Variants in NAALADL2 observed in about 807,000 individuals in gnomAD.
NAALADL2 encodes the protein N-acetylated alpha-linked acidic dipeptidase like 2.
Under a neutral mutation model 87.2 loss-of-function variants are expected in NAALADL2, and 76 were observed. That is an observed-to-expected ratio of 0.87 (90% confidence interval 0.72 to 1.05). The LOEUF (loss-of-function observed/expected upper bound fraction) is 1.05, where lower values mean the gene tolerates loss of function less well. Ranked by LOEUF, NAALADL2 falls within the 50% of genes least tolerant of loss-of-function variation. The pLI, the probability that NAALADL2 is intolerant of heterozygous loss-of-function variation, is 0.00. For synonymous variants in NAALADL2, 354 were observed against 331.0 expected (o/e 1.07, Z -0.75); for missense variants, 1,089 against 945.8 (o/e 1.15, Z -1.99).
chr3:175,578,511 G>A (rs1466847830), intron 10 of NAALADL2, among the ~76,000 whole-genome samples: 2 of 152,118 alleles, frequency 1.3e-5, no homozygotes, highest in Non-Finnish European at 2.9e-5. Context: ...TACTTGCCAT[G>A]CTAAGCATTT....
intron 2 of NAALADL2, among the ~76,000 whole-genome samples, chr3:174,663,300 A>G (rs768561123): frequency 3.9e-5 from 6 of 152,044 alleles, no homozygotes; most frequent in African/African-American, 7.3e-5. Flanking sequence ...TAAAGATAAT[A>G]TGTACCCAGC....
Position 175,737,362 on chromosome 3 carries a change from A to G in NAALADL2, c.1953A>G (p.Ala651=), listed in dbSNP as rs777828351. The G allele has an allele frequency of 3.7e-6, 6 of 1,610,204 alleles. No individual in the cohort carries two copies. The African/African-American group carries it at 6.7e-5, about 18-fold the overall frequency. ...IANEPVLPFN[A]LDIALEVQNN... ...ACGAACCTGTTCTGCCCTTTAATGC[A>G]CTTGATATAGCTTTAGAAGTTCAAA... The change falls in exon 12 of 14, where the codon GCA becomes GCG. Residue 651 remains alanine, a synonymous_variant. Coordinates refer to ENST00000454872, the MANE Select transcript of NAALADL2 (RefSeq NM_207015.3).
intron 3 of NAALADL2, among the ~76,000 whole-genome samples, chr3:174,759,696 C>T (rs1397786989): frequency 2.0e-5 from 3 of 150,538 alleles, no homozygotes; most frequent in Non-Finnish European, 4.4e-5. Flanking sequence ...AAATACAATA[C>T]AAATCACTTT....
chr3:175,647,896 A>G (rs1164924975), intron 11 of NAALADL2, among the ~76,000 whole-genome samples: 2 of 152,176 alleles, frequency 1.3e-5, no homozygotes, highest in South Asian at 2.1e-4. Context: ...TTTATTGTCT[A>G]TGGGTTTCCC....
At chr3:175,585,823 T>G (rs914792925) in intron 10 of NAALADL2, among the ~76,000 whole-genome samples, 1 of 152,226 alleles carries the variant, frequency 6.6e-6, no homozygotes, top group African/African-American at 2.4e-5. Context: ...GCTTTTATGT[T>G]GCATTTGTTC....
At chr3:175,309,971 T>G (rs887683174) in intron 4 of NAALADL2, among the ~76,000 whole-genome samples, 1 of 152,188 alleles carries the variant, frequency 6.6e-6, no homozygotes, top group Non-Finnish European at 1.5e-5. Flanking sequence ...CAGTGTTTTT[T>G]CATCTGCTAA....
intron 5 of NAALADL2, among the ~76,000 whole-genome samples, chr3:175,325,234 C>T (rs1417091543): frequency 6.6e-6 from 1 of 152,088 alleles, no homozygotes; most frequent in Non-Finnish European, 1.5e-5. Context: ...TTAACTTTAC[C>T]AATTAATTAG....
chr3:174,860,680 A>G (rs1241386100), intron 1 of NAALADL2, among the ~76,000 whole-genome samples: 1 of 152,024 alleles, frequency 6.6e-6, no homozygotes, highest in Non-Finnish European at 1.5e-5. Context: ...TGGGTGCATC[A>G]CCTGTCTGTA....
At chr3:175,459,755 T>C (rs1028965725) in intron 6 of NAALADL2, among the ~76,000 whole-genome samples, 1 of 152,124 alleles carries the variant, frequency 6.6e-6, no homozygotes, top group Non-Finnish European at 1.5e-5. Context: ...GCAGGTTTGT[T>C]CAAGACTTTT....
At chr3:175,795,558 C>A (rs1334197754) in intron 13 of NAALADL2, among the ~76,000 whole-genome samples, 1 of 151,462 alleles carries the variant, frequency 6.6e-6, no homozygotes, top group African/African-American at 2.4e-5. Flanking sequence ...TGGCGGGTGC[C>A]TGTAGTCCCA....
At position 174,754,101 on chromosome 3, in the gene NAALADL2, A is replaced by G. The variant is rs116395024; in HGVS notation, c.-9+16355A>G. Among the ~76,000 whole-genome samples the G allele has an allele frequency of 5.9e-3, 904 of 152,316 alleles. 10 individuals carry two copies. Among genetic ancestry groups the G allele is most frequent in the African/African-American group, 0.021 (870 of 41,584 alleles). ...GTATTTTGTTATGGCAGCTTGAGCT[A>G]AGACATTCAATTTCATGTATGGAAG... On this transcript the variant is annotated intron_variant, in intron 3 of 3. Coordinates refer to the NAALADL2 transcript ENST00000434257.
At chr3:174,459,644 C>A (rs1263293822) in intron 1 of NAALADL2, 2 of 152,130 alleles carry the variant, frequency 1.3e-5, no homozygotes, top group Non-Finnish European at 2.9e-5. Context: ...TTTTAAAGCA[C>A]TTTAGGATCC....
intron 5 of NAALADL2, among the ~76,000 whole-genome samples, chr3:175,439,721 G>GTT (rs1289691079): frequency 1.6e-5 from 2 of 125,932 alleles, no homozygotes; most frequent in African/African-American, 2.9e-5. Flanking sequence ...TGTGTTTGTG[G>GTT]TTTTTTTTTC....
intron 2 of NAALADL2, among the ~76,000 whole-genome samples, chr3:175,193,365 C>A (rs1219486591): frequency 1.3e-5 from 2 of 151,694 alleles, no homozygotes; most frequent in Non-Finnish European, 3.0e-5. Flanking sequence ...AAGGAGAACA[C>A]AACTATTCCT....
chr3:175,200,366 CTT>C (rs892881284), intron 2 of NAALADL2, among the ~76,000 whole-genome samples: 1 of 151,886 alleles, frequency 6.6e-6, no homozygotes, highest in African/African-American at 2.4e-5. Flanking sequence ...CTCTCTCTCT[CTT>C]TTTTTCTTTA....
chr3:175,340,755 T>C (rs2080787), intron 5 of NAALADL2, among the ~76,000 whole-genome samples: 88,647 of 151,974 alleles, frequency 0.58, 26,512 homozygotes, highest in East Asian at 0.72. Flanking sequence ...TATCTGCTCC[T>C]TAAGAATGAC....
chr3:174,995,682 T>G (rs1296486770), intron 1 of NAALADL2, among the ~76,000 whole-genome samples: 1 of 151,994 alleles, frequency 6.6e-6, no homozygotes, highest in Non-Finnish European at 1.5e-5. Context: ...TATTATAGAA[T>G]TTTCTACCAG....
At chr3:175,672,798 G>C (rs922639213) in intron 11 of NAALADL2, among the ~76,000 whole-genome samples, 1 of 151,950 alleles carries the variant, frequency 6.6e-6, no homozygotes, top group Non-Finnish European at 1.5e-5. Flanking sequence ...AGTGACTCTC[G>C]GATTTTGTAA....
At chr3:175,690,166 C>T (rs1041517155) in intron 11 of NAALADL2, among the ~76,000 whole-genome samples, 2 of 151,960 alleles carry the variant, frequency 1.3e-5, no homozygotes, top group African/African-American at 4.8e-5. Flanking sequence ...AGATTTCCTT[C>T]TATGACTTGT....
Sources: gnomAD v4.1 joint callset for allele counts (sites outside exome capture counted in the v4.1 genomes callset) on GRCh38, gnomAD v4.1.1 for gene constraint, MANE v1.5 for transcripts, NCBI Gene and HGNC (gene_info 2026-07-23, HGNC 2026-07-21) for gene names.